The following KMT2E variants were observed in gnomAD, a reference collection of about 807,000 sequenced individuals.
KMT2E encodes lysine methyltransferase 2E (inactive), also known as histone reader KMT2E.
A neutral mutation model predicts 184.6 loss-of-function variants in KMT2E; 30 were observed. The observed-to-expected ratio is 0.16, with a 90% CI of 0.12 to 0.22. KMT2E has a LOEUF of 0.22. KMT2E is among the 10% of genes least tolerant of loss of function. The probability of loss-of-function intolerance (pLI) is 1.00; values close to 1 mark genes in which losing one functional copy is unlikely to be tolerated. For synonymous variants in KMT2E, 815 were observed against 776.5 expected, an observed-to-expected ratio of 1.05 and a Z score of -0.82; for missense variants, 2,023 against 2,237.4, an observed-to-expected ratio of 0.90 and a Z score of 1.93.
Position 105,063,466 on chromosome 7 carries a change from C to G in KMT2E, c.302C>G (p.Ser101Cys), listed in dbSNP as rs1796903624. ...ACCACTCCTAATTTTGATGAAACTTCCAGTGCTACTACAATCAGCACATCT... is the reference window on the plus strand; with the variant it reads ...ACCACTCCTAATTTTGATGAAACTTGCAGTGCTACTACAATCAGCACATCT... ...IFTTPNFDETSSATTISTSED... is the reference protein window; with the variant it reads ...IFTTPNFDETCSATTISTSED... The change falls in exon 5 of 27, where the codon TCC becomes TGC. Residue 101 changes from serine to cysteine, a missense_variant. Physicochemically the swap from Ser to Cys is moderately radical, Grantham distance 112 (BLOSUM62 -1). Coordinates refer to ENST00000311117, the MANE Select transcript of KMT2E (RefSeq NM_182931.3). 6.2e-7 allele frequency: 1 copy of G among 1,613,606 alleles called. No individual in the cohort carries two copies. The highest frequency in any genetic ancestry group is 8.5e-7 in the Non-Finnish European group (1 of 1,179,584).
intron 3 of KMT2E, among the ~76,000 whole-genome samples, chr7:105,050,221 T>C (rs960967223): frequency 6.6e-6 from 1 of 152,236 alleles, no homozygotes; most frequent in Non-Finnish European, 1.5e-5. Flanking sequence ...TTGGTAGTCT[T>C]CTATAATTTA....
At chr7:105,046,363 C>G (rs1377045218) in intron 3 of KMT2E, among the ~76,000 whole-genome samples, 1 of 152,134 alleles carries the variant, frequency 6.6e-6, no homozygotes. Flanking sequence ...TAATAGTATG[C>G]AAAGGCTTTC....
At chr7:105,075,649 T>A (rs1471427091) in intron 8 of KMT2E, among the ~76,000 whole-genome samples, 1 of 152,136 alleles carries the variant, frequency 6.6e-6, no homozygotes, top group African/African-American at 2.4e-5. Flanking sequence ...TTATATTATA[T>A]ACAGATTTTT....
intron 1 of KMT2E, among the ~76,000 whole-genome samples, chr7:105,034,900 G>A (rs964147470): frequency 2.0e-5 from 3 of 151,872 alleles, no homozygotes; most frequent in Non-Finnish European, 4.4e-5. Flanking sequence ...TTGTCACCCA[G>A]TCTGGAGTGC....
At chr7:105,095,272 G>GTCT (rs1289482839) in intron 15 of KMT2E, among the ~76,000 whole-genome samples, 2 of 152,094 alleles carry the variant, frequency 1.3e-5, no homozygotes, top group Non-Finnish European at 2.9e-5. Flanking sequence ...TTATATTTAT[G>GTCT]TATATTTAAT....
rs749341915 is a variant in KMT2E at position 105,106,732 on chromosome 7, C to T, written c.2807C>T (p.Pro936Leu). Residue 936 changes from proline (P) to leucine (L), a missense_variant, in exon 20 of 27, where the codon CCA becomes CTA. Around this residue, in one of 8 missense-constraint regions of KMT2E, gnomAD observed 514 missense variants for 621.8 expected, o/e 0.83. Coordinates refer to ENST00000311117, the MANE Select transcript of KMT2E (RefSeq NM_182931.3). ...AAACCCATATATTCACCAGTTACCC[C>T]AGTAACTCCTGGTACACCAGGAAAT... ...GYKPIYSPVT[P>L]VTPGTPGNTM... 7.4e-6 allele frequency: 12 copies of T among 1,613,178 alleles called. No homozygotes were observed. The South Asian group carries it at 1.3e-4, about 18-fold the overall frequency.
chr7:105,023,552 C>G (rs1441643227), intron 1 of KMT2E, among the ~76,000 whole-genome samples: 1 of 150,288 alleles, frequency 6.7e-6, no homozygotes, highest in Non-Finnish European at 1.5e-5. Context: ...TCATGCCATT[C>G]TCCTGCCTCA....
At chr7:105,065,179 G>A (rs1002788473) in intron 5 of KMT2E, among the ~76,000 whole-genome samples, 5 of 151,970 alleles carry the variant, frequency 3.3e-5, no homozygotes, top group African/African-American at 1.2e-4. Flanking sequence ...CTAACTTTAC[G>A]TTGGCTCATT....
At chr7:105,048,463 G>A (rs1312205643) in intron 3 of KMT2E, among the ~76,000 whole-genome samples, 1 of 152,052 alleles carries the variant, frequency 6.6e-6, no homozygotes, top group Non-Finnish European at 1.5e-5. Context: ...AGGGGATAGA[G>A]TTTTAAAAAC....
At chr7:105,080,828 T>G (rs548486673) in intron 12 of KMT2E, among the ~76,000 whole-genome samples, 1 of 151,564 alleles carries the variant, frequency 6.6e-6, no homozygotes, top group African/African-American at 2.4e-5. Flanking sequence ...CTGACCAACA[T>G]GGTGAAACCC....
intron 6 of KMT2E, among the ~76,000 whole-genome samples, chr7:105,067,504 G>A (rs1190510093): frequency 6.6e-6 from 1 of 151,898 alleles, no homozygotes; most frequent in South Asian, 2.1e-4. Flanking sequence ...CCCTACCTCA[G>A]TAATTATCGA....
At position 105,113,434 on chromosome 7, in the gene KMT2E, G is replaced by A; in HGVS notation, c.*101G>A. ...TTTTAAAGCTTGTACATGAACCTTT[G>A]TATAAAAAACACCAGTGCTCTTTCG... On this transcript the variant is annotated 3_prime_UTR_variant, in exon 27 of 27. Transcript: ENST00000311117. 7.7e-7 allele frequency: 1 copy of A among 1,298,188 alleles called. No individual in the cohort carries two copies. The highest frequency in any genetic ancestry group is 1.0e-6 in the Non-Finnish European group (1 of 975,960). The allele number at this position is 1,298,188 out of a possible 1,614,324, so 80.4% of individuals were successfully genotyped here.
At position 105,092,703 on chromosome 7, in the gene KMT2E, A is replaced by G. The variant is rs182018217; in HGVS notation, c.1722+1389A>G. Among the ~76,000 whole-genome samples the G allele has an allele frequency of 4.2e-4, 64 of 152,282 alleles. 1 individual carries two copies. Among genetic ancestry groups the G allele is most frequent in the Admixed American group, 4.1e-3 (63 of 15,296 alleles). On this transcript the variant is annotated intron_variant, in intron 15 of 26. Coordinates refer to ENST00000311117, the MANE Select transcript of KMT2E (RefSeq NM_182931.3). ...TTATGTGTGCCTTTTCAAGTTACCT[A>G]TGGCTCTTTATTGAGTATTGATTTT...
At chr7:105,036,282 C>T (rs945298487) in intron 1 of KMT2E, among the ~76,000 whole-genome samples, 16 of 150,988 alleles carry the variant, frequency 1.1e-4, no homozygotes, top group Non-Finnish European at 2.2e-4. Context: ...AAGCGATTCT[C>T]GTGCCTCAGC....
Position 105,110,731 on chromosome 7 carries a change from T to C in KMT2E, c.3971-40T>C, listed in dbSNP as rs778420467. The C allele has an allele frequency of 1.8e-5, 28 of 1,590,104 alleles. No individual in the cohort carries two copies. In the South Asian group the frequency reaches 3.1e-4, roughly 18 times the overall value. On this transcript the variant is annotated intron_variant, in intron 25 of 26. Transcript: ENST00000311117. ...TGTGGTGTTAAAACAGTGTTTATTG[T>C]GTAATTTTATACTTACTATAGGTTT...
chr7:105,050,205 A>G (rs1360361026), intron 3 of KMT2E, among the ~76,000 whole-genome samples: 2 of 152,196 alleles, frequency 1.3e-5, no homozygotes, highest in Non-Finnish European at 2.9e-5. Context: ...TGTGTTGTCA[A>G]ACTAATTGGT....
At chr7:105,059,311 C>A (rs1045527252) in intron 3 of KMT2E, among the ~76,000 whole-genome samples, 5 of 152,146 alleles carry the variant, frequency 3.3e-5, no homozygotes, top group Non-Finnish European at 7.4e-5. Flanking sequence ...TCTTTGTGCT[C>A]TGGCCACAGT....
chr7:105,112,974 C>T lies in KMT2E; in HGVS notation c.5218C>T (p.His1740Tyr). The T allele has an allele frequency of 5.0e-6, 8 of 1,613,988 alleles. No homozygotes were observed. The highest frequency in any genetic ancestry group is 2.2e-5 in the South Asian group (2 of 91,070). ...GHHTTSAQAL[H>Y]HPPHQGPPLF... The stretch of plus-strand genomic sequence containing the variant: ...TCATACCACATCAGCTCAAGCCTTA[C>T]ACCACCCACCTCATCAAGGACCTCC... Residue 1740 changes from histidine to tyrosine, a missense_variant, in exon 27 of 27, where the codon CAC (histidine) becomes TAC (tyrosine). This residue lies in a region of KMT2E where 1,108 missense variants were observed against 1,050.9 expected (regional missense o/e 1.05). Transcript: ENST00000311117.
rs781165657 is a variant in KMT2E at position 105,105,517 on chromosome 7, C to T, written c.2275C>T (p.Arg759Cys). The change falls in exon 18 of 27, where the codon CGC (arginine) becomes TGC (cysteine). Residue 759 changes from arginine (R) to cysteine (C), a missense_variant. Physicochemically the swap from Arg to Cys is radical, Grantham distance 180. Coordinates refer to ENST00000311117, the MANE Select transcript of KMT2E (RefSeq NM_182931.3). ...AGATGGCCTTTCAGAAAGGCCTCTA[C>T]GCATAACTACAGATCCTGAAGTGTT... ...PSDGLSERPL[R>C]ITTDPEVLAT... The T allele has an allele frequency of 1.5e-5, 25 of 1,613,628 alleles. No individual in the cohort carries two copies. Among genetic ancestry groups the T allele is most frequent in the Admixed American group, 1.5e-4 (9 of 59,974 alleles).
Sources: allele counts gnomAD v4.1 joint callset (sites outside exome capture counted in the v4.1 genomes callset), GRCh38; gene constraint gnomAD v4.1.1; regional missense constraint gnomAD v4.1.1; transcripts MANE v1.5; gene names NCBI Gene and HGNC (gene_info 2026-07-23, HGNC 2026-07-21).